The following CFAP57 variants were observed in gnomAD, a reference collection of about 807,000 sequenced individuals.
CFAP57 encodes the protein cilia- and flagella-associated protein 57.
CFAP57 carries 116 observed loss-of-function variants against 146.8 expected under a neutral mutation model. That is an observed-to-expected ratio of 0.79 (90% CI 0.68 to 0.92). The LOEUF (loss-of-function observed/expected upper bound fraction) is 0.92, where lower values mean the gene tolerates loss of function less well. Ranked by LOEUF, CFAP57 falls within the 40% of genes least tolerant of loss-of-function variation. CFAP57 has a pLI of 0.00. For synonymous variants in CFAP57, 518 were observed against 552.8 expected (o/e 0.94, Z 0.88); for missense variants, 1,377 against 1,527.2 (o/e 0.90, Z 1.64).
intron 10 of CFAP57, 43 bp from the exon 11 acceptor site, chr1:43,209,700 A>G (rs749395844): frequency 6.3e-7 from 1 of 1,583,556 alleles, no homozygotes; most frequent in Non-Finnish European, 8.7e-7. Flanking sequence ...CGTGGGGGCC[A>G]CAGCTCGACC....
At position 43,181,736 on chromosome 1, in the gene CFAP57, A is replaced by T; in HGVS notation, c.360A>T (p.Lys120Asn). 6.2e-7 allele frequency: 1 copy of T among 1,614,110 alleles called. No individual in the cohort carries two copies. The highest frequency in any genetic ancestry group is 8.5e-7 in the Non-Finnish European group (1 of 1,180,022). ...FISMAFSPDS[K>N]YLLAQTSPPE... ...GCATGGCTTTTTCTCCAGACTCCAA[A>T]TACCTATTGGCTCAGACGTCACCTC... Residue 120 changes from lysine (K) to asparagine (N), a missense_variant, in exon 3 of 23, where the codon AAA (lysine) becomes AAT (asparagine). Lys to Asn is a moderately conservative substitution (Grantham distance 94). Coordinates refer to ENST00000372492, the MANE Select transcript of CFAP57 (RefSeq NM_001378189.1).
At chr1:43,226,824 G>T (rs905194137) in intron 17 of CFAP57, among the ~76,000 whole-genome samples, 159 bp from the exon 18 acceptor site, 5 of 152,198 alleles carry the variant, frequency 3.3e-5, no homozygotes, top group Admixed American at 6.5e-5. Flanking sequence ...AGCCCCATGG[G>T]GGGAGTGCCA....
Position 43,185,133 on chromosome 1 carries a change from GTT to G in CFAP57, c.762-10_762-9del, listed in dbSNP as rs762788959. 1 of 1,613,216 alleles carries G rather than the reference GTT, an allele frequency of 6.2e-7. No individual in the cohort carries two copies. The highest frequency in any genetic ancestry group is 1.3e-5 in the African/African-American group (1 of 74,884). ...ATTGTCTCTATAAATTATGTATGCT[GTT>G]TTTTTGTTTCCAGCCTGATTGAATT... On this transcript the variant is annotated splice_polypyrimidine_tract_variant and intron_variant, in intron 4 of 22. Coordinates refer to ENST00000372492, the MANE Select transcript of CFAP57 (RefSeq NM_001378189.1).
intron 8 of CFAP57, among the ~76,000 whole-genome samples, chr1:43,199,142 T>A (rs1011947824): frequency 2.0e-5 from 3 of 152,194 alleles, no homozygotes; most frequent in Admixed American, 1.3e-4. Flanking sequence ...AAATGATTGC[T>A]TGTGGTCCCA....
chr1:43,200,496 A>G (rs1557762031), intron 9 of CFAP57, among the ~76,000 whole-genome samples: 3 of 145,906 alleles, frequency 2.1e-5, no homozygotes, highest in Admixed American at 1.3e-4. Context: ...TGAAAAAAAA[A>G]AAGAAAGAAA....
At chr1:43,241,557 CA>C (rs1645923070) in intron 21 of CFAP57, among the ~76,000 whole-genome samples, 1 of 152,072 alleles carries the variant, frequency 6.6e-6, no homozygotes, top group African/African-American at 2.4e-5. Context: ...CCGTAGCCAC[CA>C]CTCGTGAGAT....
chr1:43,236,818 A>G (rs1570306791), intron 21 of CFAP57, among the ~76,000 whole-genome samples: 1 of 151,724 alleles, frequency 6.6e-6, no homozygotes, highest in South Asian at 2.1e-4. Flanking sequence ...CTGAGGCAGG[A>G]GAATGGCATG....
At chr1:43,187,616 A>AT (rs1643226732) in intron 6 of CFAP57, among the ~76,000 whole-genome samples, 1 of 151,354 alleles carries the variant, frequency 6.6e-6, no homozygotes, top group Admixed American at 6.6e-5. Context: ...AAAAAAAAAA[A>AT]GCGCATACCC....
chr1:43,206,860 T>A lies in CFAP57; in HGVS notation c.1683T>A (p.Thr561=). 6.2e-7 allele frequency: 1 copy of A among 1,614,192 alleles called. No homozygotes were observed. The highest frequency in any genetic ancestry group is 8.5e-7 in the Non-Finnish European group (1 of 1,180,024). Residue 561 remains threonine (T), a synonymous_variant, in exon 10 of 23, where the codon ACT becomes ACA. Transcript: ENST00000372492. ...AGTCTTGCAGCTACAACTGTGTTAC[T>A]GTCTCCCCCGATGCCAAAATTATCT... ...VLKSCSYNCV[T]VSPDAKIIFA...
intron 11 of CFAP57, among the ~76,000 whole-genome samples, chr1:43,215,005 T>C (rs1644778110): frequency 6.6e-6 from 1 of 152,242 alleles, no homozygotes; most frequent in African/African-American, 2.4e-5. Context: ...TGAGAGTTTC[T>C]TGTTCGTTCT....
rs371098042 is a variant in CFAP57 at position 43,235,374 on chromosome 1, G to A, written c.3405+736G>A. On this transcript the variant is annotated intron_variant, in intron 21 of 22. Coordinates refer to ENST00000372492, the MANE Select transcript of CFAP57 (RefSeq NM_001378189.1). ...ATCAGTATCATCTGAGGCAATTAAT[G>A]TGAATTAGTATCAAAAGGGAACATC... Among the ~76,000 whole-genome samples the A allele has an allele frequency of 6.4e-4, 98 of 152,294 alleles. 2 individuals are homozygous for A. The South Asian group carries it at 0.02, about 31-fold the overall frequency.
intron 6 of CFAP57, among the ~76,000 whole-genome samples, chr1:43,189,164 A>C (rs765470516): frequency 5.9e-5 from 9 of 152,218 alleles, no homozygotes; most frequent in Non-Finnish European, 1.2e-4. Context: ...CAAACTTTAA[A>C]ATTGGGAATT....
At chr1:43,252,616 TCAA>T (rs779642123) in intron 22 of CFAP57, among the ~76,000 whole-genome samples, 35 of 150,554 alleles carry the variant, frequency 2.3e-4, no homozygotes, top group Non-Finnish European at 3.4e-4. Context: ...GAAGTGAAAA[TCAA>T]CAACAACAAA....
chr1:43,184,938 C>G (rs1642931558), intron 4 of CFAP57: 2 of 576,392 alleles, frequency 3.5e-6, no homozygotes. Flanking sequence ...TCTGTCTACT[C>G]CACACGCCCC....
chr1:43,232,095 G>T, intron 18 of CFAP57: 1 of 701,514 alleles, frequency 1.4e-6, no homozygotes, highest in Non-Finnish European at 2.6e-6. Context: ...GGCCCCAGAG[G>T]GTCGAGATTC....
intron 3 of CFAP57, 93 bp downstream of exon 3, chr1:43,181,943 C>T (rs1025092405): frequency 5.7e-6 from 8 of 1,400,020 alleles, no homozygotes; most frequent in African/African-American, 4.3e-5. Context: ...CTAATTTCCT[C>T]CATGCATTTT....
intron 1 of CFAP57, 65 bp from the exon 2 acceptor site, chr1:43,172,666 CCGGG>C: frequency 6.6e-7 from 1 of 1,523,308 alleles, no homozygotes; most frequent in African/African-American, 1.5e-5. Flanking sequence ...GAGGGCGAGT[CCGGG>C]CCGGGGGCGG....
intron 21 of CFAP57, among the ~76,000 whole-genome samples, chr1:43,239,769 GGA>G: frequency 6.6e-6 from 1 of 152,298 alleles, no homozygotes; most frequent in East Asian, 1.9e-4. Flanking sequence ...AGGGAGAAAT[GGA>G]GAGAGACCTC....
Position 43,198,659 on chromosome 1 carries a change from C to G in CFAP57, c.1428+13C>G. ...AGGATGCGGAGAGGTAAAAAAAAAA[C>G]TGCTGAAGACAAAAGTCCAGTTTCT... On this transcript the variant is annotated intron_variant, in intron 8 of 22. Transcript: ENST00000372492. 6.2e-7 allele frequency: 1 copy of G among 1,603,052 alleles called. No homozygotes were observed. The highest frequency in any genetic ancestry group is 8.5e-7 in the Non-Finnish European group (1 of 1,172,162).
Sources: gnomAD v4.1 joint callset for allele counts (sites outside exome capture counted in the v4.1 genomes callset) on GRCh38, gnomAD v4.1.1 for gene constraint, MANE v1.5 for transcripts, NCBI Gene and HGNC (gene_info 2026-07-23, HGNC 2026-07-21) for gene names.